TPTE2: variants seen among roughly 807,000 people sequenced by gnomAD.
TPTE2 encodes transmembrane phosphoinositide 3-phosphatase and tensin homolog 2, also known as phosphatidylinositol 3,4,5-trisphosphate 3-phosphatase TPTE2.
TPTE2 carries 53 observed loss-of-function variants against 78.6 expected under a neutral mutation model. The observed-to-expected ratio is 0.67, with a 90% CI of 0.54 to 0.85. TPTE2 has a LOEUF of 0.85. TPTE2 is among the 40% of genes least tolerant of loss of function. The probability of loss-of-function intolerance (pLI) is 0.00; values close to 1 mark genes in which losing one functional copy is unlikely to be tolerated. For missense variants in TPTE2, 461 were observed against 623.0 expected (o/e 0.74, Z 2.77); for synonymous variants, 175 against 206.2 (o/e 0.85, Z 1.30).
chr13:19,522,604 CCTTA>C (rs1237425001), intron 1 of TPTE2, among the ~76,000 whole-genome samples: 3 of 145,546 alleles, frequency 2.1e-5, no homozygotes, highest in African/African-American at 7.7e-5. Context: ...CTTTTGTTTT[CCTTA>C]CTTTTTTTTT....
chr13:19,437,287 A>G (rs1566039331), intron 14 of TPTE2, among the ~76,000 whole-genome samples: 1 of 152,168 alleles, frequency 6.6e-6, no homozygotes, highest in Non-Finnish European at 1.5e-5. Flanking sequence ...ATTGTGCACA[A>G]CCACCACCTC....
intron 10 of TPTE2, among the ~76,000 whole-genome samples, chr13:19,452,986 A>T (rs202001056): frequency 2.0e-3 from 39 of 19,950 alleles, no homozygotes; most frequent in African/African-American, 2.8e-3. Flanking sequence ...ATTTTATTTT[A>T]TTTATTTTAT....
intron 1 of TPTE2, among the ~76,000 whole-genome samples, chr13:19,532,657 C>T (rs929540981): frequency 1.3e-5 from 2 of 152,218 alleles, no homozygotes; most frequent in Non-Finnish European, 2.9e-5. Context: ...TGCCTTAGTA[C>T]CCATCACATT....
intron 13 of TPTE2, among the ~76,000 whole-genome samples, chr13:19,449,780 T>C (rs959631016): frequency 6.6e-6 from 1 of 152,142 alleles, no homozygotes; most frequent in African/African-American, 2.4e-5. Flanking sequence ...TTTTGAGAGA[T>C]ATAAACTGGC....
intron 15 of TPTE2, among the ~76,000 whole-genome samples, chr13:19,434,263 G>A (rs1876895804): frequency 6.6e-6 from 1 of 152,212 alleles, no homozygotes; most frequent in Non-Finnish European, 1.5e-5. Flanking sequence ...AATTAAAAAA[G>A]CAAGAGACTA....
intron 6 of TPTE2, among the ~76,000 whole-genome samples, chr13:19,471,287 G>C (rs992557634): frequency 2.0e-5 from 3 of 152,124 alleles, no homozygotes; most frequent in African/African-American, 7.2e-5. Context: ...TGTTATCATT[G>C]ATAAGTAAGA....
At chr13:19,499,801 G>A (rs915094360) in intron 1 of TPTE2, among the ~76,000 whole-genome samples, 17 of 150,010 alleles carry the variant, frequency 1.1e-4, no homozygotes, top group African/African-American at 4.2e-4. Context: ...ACTAAAATCA[G>A]AGCAGAGCTG....
At chr13:19,516,999 G>A (rs1471834227) in intron 1 of TPTE2, among the ~76,000 whole-genome samples, 2 of 152,098 alleles carry the variant, frequency 1.3e-5, no homozygotes, top group Non-Finnish European at 2.9e-5. Flanking sequence ...AAAGCTCTCA[G>A]TCTACCACCT....
At chr13:19,474,826 A>G (rs1879835949) in intron 5 of TPTE2, among the ~76,000 whole-genome samples, 1 of 152,222 alleles carries the variant, frequency 6.6e-6, no homozygotes, top group African/African-American at 2.4e-5. Context: ...AATCTATATC[A>G]TAGTATGAAA....
chr13:19,543,405 G>A, the TPTE2 span, among the ~76,000 whole-genome samples: 1 of 144,242 alleles, frequency 6.9e-6, no homozygotes, highest in Non-Finnish European at 1.5e-5. Flanking sequence ...TGTCTTCTAG[G>A]CTAGAGTGCG....
intron 1 of TPTE2, among the ~76,000 whole-genome samples, chr13:19,495,743 A>G (rs1204996103): frequency 3.9e-5 from 6 of 152,244 alleles, no homozygotes; most frequent in Admixed American, 2.6e-4. Flanking sequence ...CAATTCATAC[A>G]CAGGGCACTG....
At chr13:19,483,103 G>A (rs1057106890) in intron 3 of TPTE2, among the ~76,000 whole-genome samples, 32 of 152,234 alleles carry the variant, frequency 2.1e-4, no homozygotes, top group Non-Finnish European at 4.3e-4. Flanking sequence ...TAAGCCTTTA[G>A]CAAGTCACAG....
At chr13:19,484,162 CTAG>C (rs1880522965) in intron 3 of TPTE2, among the ~76,000 whole-genome samples, 1 of 152,156 alleles carries the variant, frequency 6.6e-6, no homozygotes, top group Non-Finnish European at 1.5e-5. Context: ...TATTGTGTTT[CTAG>C]TTACATTTGT....
chr13:19,500,602 C>T lies in TPTE2; in HGVS notation c.11+2622G>A, dbSNP rs552897006. ...AAAGCCTTTGACAAAATTCAACATC[C>T]CTTCATGGTAAAAACTCTCAATAAA... is the stretch of plus-strand genomic sequence containing the variant. On this transcript the variant is annotated intron_variant, in intron 1 of 19. Coordinates refer to ENST00000400230, the Ensembl canonical transcript of TPTE2. 3.3e-5 allele frequency among the ~76,000 whole-genome samples: 5 copies of T among 152,270 alleles called. No homozygotes were observed. In the South Asian group the frequency reaches 6.2e-4, roughly 19 times the overall value.
the TPTE2 span, among the ~76,000 whole-genome samples, chr13:19,548,178 T>C: frequency 6.6e-6 from 1 of 152,198 alleles, no homozygotes; most frequent in African/African-American, 2.4e-5. Context: ...CCAATTCTTT[T>C]TGAGAAGGGC....
At chr13:19,538,912 A>G (rs1034068565), upstream of TPTE2, among the ~76,000 whole-genome samples, 1 of 152,200 alleles carries the variant, frequency 6.6e-6, no homozygotes, top group African/African-American at 2.4e-5. Flanking sequence ...GAATTTATAA[A>G]GAAATGAATG....
At chr13:19,548,948 G>A in the TPTE2 span, among the ~76,000 whole-genome samples, 48 of 151,956 alleles carry the variant, frequency 3.2e-4, no homozygotes, top group East Asian at 9.7e-4. Flanking sequence ...GCAAAACCCC[G>A]TCTATATGAA....
Position 19,464,527 on chromosome 13 carries a change from G to A in TPTE2, c.677-7C>T. On this transcript the variant is annotated splice_region_variant and splice_polypyrimidine_tract_variant and intron_variant, in intron 9 of 19. Transcript: ENST00000400230. ...GACATAGCAATAATACGTTCTGAAA[G>A]TCAAAATCATCACTATTACAAACAT... 1 of 1,611,860 alleles carries A rather than the reference G, an allele frequency of 6.2e-7. No individual in the cohort carries two copies. Among genetic ancestry groups the A allele is most frequent in the Non-Finnish European group, 8.5e-7 (1 of 1,178,816 alleles).
chr13:19,516,749 G>GCC (rs1341517224), intron 1 of TPTE2, among the ~76,000 whole-genome samples: 2 of 152,086 alleles, frequency 1.3e-5, no homozygotes, highest in Non-Finnish European at 2.9e-5. Context: ...GCAACCAGCC[G>GCC]CCCCTGTAGG....
Sources: allele counts gnomAD v4.1 joint callset (sites outside exome capture counted in the v4.1 genomes callset), GRCh38; gene constraint gnomAD v4.1.1; transcripts MANE v1.5; gene names NCBI Gene and HGNC (gene_info 2026-07-23, HGNC 2026-07-21).